The following SEC11A variants were observed in gnomAD, a reference collection of about 807,000 sequenced individuals.
SEC11A encodes signal peptidase complex catalytic subunit SEC11A.
In SEC11A, 14 loss-of-function variants were observed where a neutral mutation model predicts 25.6. The ratio of observed to expected loss-of-function variants is 0.55; its 90% CI spans 0.36 to 0.85. The LOEUF is 0.85. SEC11A is among the 40% of genes least tolerant of loss of function. The probability of loss-of-function intolerance (pLI) is 0.01; values close to 1 mark genes in which losing one functional copy is unlikely to be tolerated. For synonymous variants in SEC11A, 83 were observed against 76.4 expected, an observed-to-expected ratio of 1.09 and a Z score of -0.45; for missense variants, 153 against 222.9, an observed-to-expected ratio of 0.69 and a Z score of 2.00.
At chr15:84,670,690 C>T in intron 5 of SEC11A, 35 bp downstream of exon 5, 1 of 1,117,690 alleles carries the variant, frequency 8.9e-7, no homozygotes, top group Non-Finnish European at 1.3e-6. Context: ...CAAAAGATTA[C>T]ATTTTTTAAT....
chr15:84,703,131 C>T (rs887155330), intron 1 of SEC11A, among the ~76,000 whole-genome samples: 2 of 152,096 alleles, frequency 1.3e-5, no homozygotes, highest in East Asian at 3.9e-4. Context: ...GCTATACTGT[C>T]CTTTGGAGAA....
chr15:84,687,801 C>G (rs1342273998), intron 2 of SEC11A, 27 bp from the exon 3 acceptor site: 14 of 1,562,936 alleles, frequency 9.0e-6, no homozygotes, highest in African/African-American at 1.4e-5. Context: ...AATATAACAG[C>G]AAAAAGAAAG....
At chr15:84,680,137 TAAA>T (rs753909923) in intron 4 of SEC11A, among the ~76,000 whole-genome samples, 1 of 141,366 alleles carries the variant, frequency 7.1e-6, no homozygotes, top group African/African-American at 2.6e-5. Flanking sequence ...CCATCTCTAC[TAAA>T]AAAAAAAAAA....
At chr15:84,691,501 T>A (rs536988355) in intron 2 of SEC11A, 34 bp downstream of exon 2, 4 of 1,172,352 alleles carry the variant, frequency 3.4e-6, no homozygotes, top group Non-Finnish European at 5.1e-6. Flanking sequence ...AGTAATGCCA[T>A]GCAATTCCAT....
chr15:84,691,464 T>A, intron 2 of SEC11A, 71 bp downstream of exon 2: 1 of 830,516 alleles, frequency 1.2e-6, no homozygotes, highest in Admixed American at 2.2e-5. Flanking sequence ...GATATGCCAG[T>A]TATTTCATAT....
intron 2 of SEC11A, among the ~76,000 whole-genome samples, chr15:84,689,609 CTTT>C (rs11316103): frequency 2.7e-4 from 33 of 122,524 alleles, no homozygotes; most frequent in Non-Finnish European, 2.4e-4. Context: ...TCTTTTCTTT[CTTT>C]TTTTTTTTTT....
chr15:84,702,295 T>C (rs1897970701), intron 1 of SEC11A, among the ~76,000 whole-genome samples: 2 of 147,416 alleles, frequency 1.4e-5, no homozygotes, highest in East Asian at 2.1e-4. Context: ...ACCCCATCTC[T>C]ACTAAAAATA....
At chr15:84,677,476 T>C (rs1380050549) in intron 4 of SEC11A, among the ~76,000 whole-genome samples, 1 of 136,086 alleles carries the variant, frequency 7.3e-6, no homozygotes, top group Non-Finnish European at 1.6e-5. Context: ...TTTCTTTTTC[T>C]TTTTTTTTTT....
intron 1 of SEC11A, among the ~76,000 whole-genome samples, chr15:84,697,193 T>A (rs550013345): frequency 2.6e-5 from 4 of 151,958 alleles, no homozygotes; most frequent in African/African-American, 9.7e-5. Context: ...GCCCAGGAGG[T>A]TGAGGCTGTA....
chr15:84,692,821 G>T (rs1024721774), intron 1 of SEC11A, among the ~76,000 whole-genome samples: 5 of 152,106 alleles, frequency 3.3e-5, no homozygotes, highest in Non-Finnish European at 2.9e-5. Flanking sequence ...TGAAACTGTG[G>T]ATCTAACAAA....
In SEC11A at chr15:84,670,740, G is replaced by C. The variant is rs1234484595; in HGVS notation, c.474C>G (p.Asp158Glu). The change falls in exon 5 of 6, where the codon GAC becomes GAG. Residue 158 changes from aspartate (D) to glutamate (E), a missense_variant. Physicochemically the swap from Asp to Glu is conservative, Grantham distance 45. Coordinates refer to ENST00000268220, the MANE Select transcript of SEC11A (RefSeq NM_014300.4). ...AGACTCTTACCTTAAATTTAGGATAGTCATTCATGAGGATCGTCACAATTC... is the reference window on the plus strand; with the variant it reads ...AGACTCTTACCTTAAATTTAGGATACTCATTCATGAGGATCGTCACAATTC... ...YIGIVTILMN[D>E]YPKFKYAVLF... The C allele has an allele frequency of 6.9e-7, 1 of 1,450,034 alleles. No homozygotes were observed. The highest frequency in any genetic ancestry group is 9.5e-7 in the Non-Finnish European group (1 of 1,057,462). The allele number at this position is 1,450,034 out of a possible 1,614,324, so 89.8% of individuals were successfully genotyped here.
chr15:84,681,327 C>T (rs1238587993), intron 3 of SEC11A, among the ~76,000 whole-genome samples: 2 of 152,104 alleles, frequency 1.3e-5, no homozygotes, highest in African/African-American at 2.4e-5. Context: ...AGGGAAGTAA[C>T]CTACAGATTA....
chr15:84,691,647 G>A lies in SEC11A; in HGVS notation c.52-3C>T, dbSNP rs764682293. 21 of 1,552,734 alleles carry A rather than the reference G, an allele frequency of 1.4e-5. No homozygotes were observed. The highest frequency in any genetic ancestry group is 1.8e-5 in the Non-Finnish European group (20 of 1,125,068). On this transcript the variant is annotated splice_region_variant and splice_polypyrimidine_tract_variant and intron_variant, in intron 1 of 5. Transcript: ENST00000268220. ...AAATTTAGGACTTGATAATAGAGCT[G>A]CAAGAACAAAACAGAAGAGATCAGA...
intron 1 of SEC11A, among the ~76,000 whole-genome samples, chr15:84,700,981 T>C (rs1380563250): frequency 3.1e-5 from 1 of 32,230 alleles, no homozygotes; most frequent in African/African-American, 1.6e-4. Context: ...CGAAACTCCA[T>C]ATCAAAAAAA....
chr15:84,682,297 C>G (rs567956667), intron 3 of SEC11A, among the ~76,000 whole-genome samples: 1 of 150,946 alleles, frequency 6.6e-6, no homozygotes, highest in African/African-American at 2.5e-5. Context: ...CAGTGGCTAT[C>G]TATGGCTTTC....
At chr15:84,704,930 T>TC (rs1290104591) in intron 1 of SEC11A, among the ~76,000 whole-genome samples, 2 of 151,632 alleles carry the variant, frequency 1.3e-5, no homozygotes, top group Admixed American at 6.6e-5. Flanking sequence ...CTTTTTTTTT[T>TC]TCTCTTTTTA....
chr15:84,686,860 A>G (rs903264487), intron 3 of SEC11A: 1 of 151,328 alleles, frequency 6.6e-6, no homozygotes, highest in African/African-American at 2.4e-5. Context: ...CACTACGCCC[A>G]GCTAATTATT....
chr15:84,711,113 T>C (rs186573412), intron 1 of SEC11A, among the ~76,000 whole-genome samples: 3 of 150,318 alleles, frequency 2.0e-5, no homozygotes, highest in Admixed American at 2.0e-4. Context: ...GCGCAGTGAC[T>C]CACACCTATA....
At chr15:84,671,744 A>G (rs968304562) in intron 4 of SEC11A, 1 of 152,220 alleles carries the variant, frequency 6.6e-6, no homozygotes, top group African/African-American at 2.4e-5. Context: ...TGCCTTACAC[A>G]TAGGAGATAT....
Sources: gnomAD v4.1 joint callset for allele counts (sites outside exome capture counted in the v4.1 genomes callset) on GRCh38, gnomAD v4.1.1 for gene constraint, MANE v1.5 for transcripts, NCBI Gene and HGNC (gene_info 2026-07-23, HGNC 2026-07-21) for gene names.